The following GPR158 variants were observed in gnomAD, a reference collection of about 807,000 sequenced individuals.
GPR158 encodes G protein-coupled receptor 158, also known as metabotropic glycine receptor.
Under a neutral mutation model 78.2 loss-of-function variants are expected in GPR158, and 30 were observed. That is an observed-to-expected ratio of 0.38 (90% CI 0.29 to 0.52). The LOEUF (loss-of-function observed/expected upper bound fraction) is 0.52. Among genes scored for constraint, GPR158 ranks in the 20% least tolerant of loss-of-function variants. GPR158 has a pLI of 0.83. For missense variants in GPR158, 1,463 were observed against 1,523.5 expected (o/e 0.96, Z 0.66); for synonymous variants, 581 against 591.1 (o/e 0.98, Z 0.25).
At chr10:25,305,140 G>A (rs752102382) in intron 2 of GPR158, among the ~76,000 whole-genome samples, 13 of 152,134 alleles carry the variant, frequency 8.5e-5, no homozygotes, top group Non-Finnish European at 1.6e-4. Flanking sequence ...TGTAGAACTT[G>A]GCAAGGTCAC....
chr10:25,564,654 G>A (rs908869348), intron 6 of GPR158, among the ~76,000 whole-genome samples: 1 of 151,856 alleles, frequency 6.6e-6, no homozygotes, highest in Non-Finnish European at 1.5e-5. Context: ...CTAGGTACGT[G>A]TCCTGAGCAT....
At position 25,179,717 on chromosome 10, in the gene GPR158, T is replaced by C. The variant is rs555819512; in HGVS notation, c.902+3395T>C. Among the ~76,000 whole-genome samples, 15 of 152,260 alleles carry C rather than the reference T, an allele frequency of 9.9e-5. No homozygotes were observed. In the South Asian group the frequency reaches 3.1e-3, roughly 32 times the overall value. ...TGCTCATTTTTTGTCTTTGAAAAAA[T>C]GGCACTCATTTCTCTTAACTAAGAA... On this transcript the variant is annotated intron_variant, in intron 1 of 10. Transcript: ENST00000376351.
chr10:25,189,456 A>G (rs1318611960), intron 1 of GPR158, among the ~76,000 whole-genome samples: 1 of 152,236 alleles, frequency 6.6e-6, no homozygotes, highest in Non-Finnish European at 1.5e-5. Context: ...CTATGCAGCC[A>G]TAAAAAAGGA....
chr10:25,395,517 C>T (rs1386427814), intron 2 of GPR158, among the ~76,000 whole-genome samples: 4 of 152,070 alleles, frequency 2.6e-5, no homozygotes, highest in Non-Finnish European at 5.9e-5. Flanking sequence ...CCTATCTACC[C>T]ACCTACCTAC....
intron 5 of GPR158, among the ~76,000 whole-genome samples, chr10:25,497,098 T>C (rs1835892093): frequency 6.6e-6 from 1 of 152,046 alleles, no homozygotes; most frequent in Non-Finnish European, 1.5e-5. Context: ...TCCAAGCATA[T>C]TTGGTGTGTA....
intron 2 of GPR158, among the ~76,000 whole-genome samples, chr10:25,268,571 A>T (rs1040689234): frequency 1.3e-5 from 2 of 152,194 alleles, no homozygotes; most frequent in Non-Finnish European, 2.9e-5. Context: ...GCTTTAAAAA[A>T]TACTAGTAGC....
At chr10:25,527,653 T>C (rs989288588) in intron 5 of GPR158, among the ~76,000 whole-genome samples, 5 of 152,018 alleles carry the variant, frequency 3.3e-5, no homozygotes, top group African/African-American at 4.8e-5. Flanking sequence ...TTCTACCCTA[T>C]GCATCTAGAG....
chr10:25,213,760 A>G (rs1304804308), intron 1 of GPR158, among the ~76,000 whole-genome samples: 1 of 152,168 alleles, frequency 6.6e-6, no homozygotes, highest in African/African-American at 2.4e-5. Flanking sequence ...TAAATTTTTT[A>G]TGCTTATTGT....
chr10:25,205,407 T>C (rs1418131189), intron 1 of GPR158, among the ~76,000 whole-genome samples: 1 of 152,024 alleles, frequency 6.6e-6, no homozygotes, highest in Admixed American at 6.5e-5. Flanking sequence ...TGATTTTGGT[T>C]ATTCCTTGTC....
intron 2 of GPR158, among the ~76,000 whole-genome samples, chr10:25,363,268 G>C (rs1588825735): frequency 6.6e-6 from 1 of 151,876 alleles, no homozygotes; most frequent in Non-Finnish European, 1.5e-5. Flanking sequence ...ATCACTAGCT[G>C]ATTGATGTCT....
intron 1 of GPR158, among the ~76,000 whole-genome samples, chr10:25,197,722 C>CA (rs994933614): frequency 4.6e-5 from 7 of 151,972 alleles, no homozygotes; most frequent in African/African-American, 1.7e-4. Flanking sequence ...CCTGGCAATG[C>CA]AAAAAAATAT....
At chr10:25,399,780 G>T (rs1227733441) in intron 3 of GPR158, among the ~76,000 whole-genome samples, 1 of 152,062 alleles carries the variant, frequency 6.6e-6, no homozygotes, top group Non-Finnish European at 1.5e-5. Context: ...TTAATTTGAG[G>T]CTTATAAGAG....
intron 2 of GPR158, among the ~76,000 whole-genome samples, chr10:25,268,936 G>A (rs1182089971): frequency 6.6e-6 from 1 of 152,126 alleles, no homozygotes; most frequent in Non-Finnish European, 1.5e-5. Flanking sequence ...TGTTCTTTAA[G>A]GTGTGAGTAA....
intron 2 of GPR158, among the ~76,000 whole-genome samples, chr10:25,240,722 T>C (rs1452287052): frequency 6.6e-6 from 1 of 152,232 alleles, no homozygotes; most frequent in Non-Finnish European, 1.5e-5. Context: ...TGTAATAAGA[T>C]ATATAAATTT....
chr10:25,422,282 G>T (rs1185919031), intron 4 of GPR158, among the ~76,000 whole-genome samples: 1 of 152,174 alleles, frequency 6.6e-6, no homozygotes, highest in African/African-American at 2.4e-5. Context: ...ACAGCAGGAA[G>T]TGAGTGGCGA....
intron 2 of GPR158, among the ~76,000 whole-genome samples, chr10:25,266,102 TCTC>T (rs1216559491): frequency 3.3e-5 from 5 of 152,276 alleles, no homozygotes; most frequent in African/African-American, 4.8e-5. Context: ...CCTCCACTCT[TCTC>T]CTAGTTAATC....
chr10:25,432,287 AAT>A (rs1834921101), intron 4 of GPR158, among the ~76,000 whole-genome samples: 1 of 15,730 alleles, frequency 6.4e-5, no homozygotes, highest in Non-Finnish European at 3.6e-4. Context: ...CGTCCATAAA[AAT>A]AATAATTCTC....
intron 6 of GPR158, among the ~76,000 whole-genome samples, chr10:25,563,791 C>CTTGT (rs1836889737): frequency 6.6e-6 from 1 of 151,854 alleles, no homozygotes; most frequent in African/African-American, 2.4e-5. Flanking sequence ...CAGATTTATA[C>CTTGT]TTATTGTTTT....
At chr10:25,521,789 T>C (rs1836279196) in intron 5 of GPR158, among the ~76,000 whole-genome samples, 1 of 152,226 alleles carries the variant, frequency 6.6e-6, no homozygotes, top group Non-Finnish European at 1.5e-5. Context: ...AGTAGACTGT[T>C]ATCTTGCTGA....
Sources: gnomAD v4.1 joint callset for allele counts (sites outside exome capture counted in the v4.1 genomes callset) on GRCh38, gnomAD v4.1.1 for gene constraint, MANE v1.5 for transcripts, NCBI Gene and HGNC (gene_info 2026-07-23, HGNC 2026-07-21) for gene names.